Variants in SURF6 observed in about 807,000 individuals in gnomAD.
SURF6 encodes the protein surfeit locus protein 6.
In SURF6, 28 loss-of-function variants were observed where a neutral mutation model predicts 37.5. That is an observed-to-expected ratio of 0.75 (90% CI 0.55 to 1.02). The LOEUF is 1.02. Ranked by LOEUF, SURF6 falls within the 50% of genes least tolerant of loss-of-function variation. SURF6 has a pLI of 0.00. For missense variants in SURF6, 560 were observed against 490.5 expected (o/e 1.14, Z -1.34); for synonymous variants, 248 against 210.9 (o/e 1.18, Z -1.52).
intron 1 of SURF6, among the ~76,000 whole-genome samples, chr9:133,335,737 G>C (rs2129932484): frequency 4.6e-5 from 7 of 151,584 alleles, no homozygotes; most frequent in Admixed American, 3.3e-4. Flanking sequence ...TTAGCTGGGC[G>C]TGGTGGCGGG....
At position 133,330,076 on chromosome 9, in the gene SURF6, T is replaced by C. The variant is rs2129904938; in HGVS notation, c.*1793A>G. On this transcript the variant is annotated 3_prime_UTR_variant, in exon 5 of 5. Transcript: ENST00000372022. ...GTCAGTTTTGGAGATTTTTCTTCCA[T>C]TTACTTTGAGTTGTTCCAACTTAAG... 6 of 152,306 alleles carry C rather than the reference T, an allele frequency of 3.9e-5. No individual in the cohort carries two copies. The highest frequency in any genetic ancestry group is 3.9e-4 in the East Asian group (2 of 5,186). 9.4% of individuals were successfully genotyped at this position (152,306 alleles called of 1,614,324 possible). A position where few individuals can be genotyped will look rare whatever the true frequency, so the allele number is the denominator to read the frequency against.
At position 133,328,852 on chromosome 9, in the gene SURF6, T is replaced by C. The variant is rs1835650120; in HGVS notation, c.*3017A>G. 1 of 152,232 alleles carries C rather than the reference T, an allele frequency of 6.6e-6. No individual in the cohort carries two copies. The highest frequency in any genetic ancestry group is 2.4e-5 in the African/African-American group (1 of 41,440). 9.4% of individuals were successfully genotyped at this position (152,232 alleles called of 1,614,324 possible). A position where few individuals can be genotyped will look rare whatever the true frequency, so the allele number is the denominator to read the frequency against. ...GTAGGGACCAGCCCCACAGGGTCCG[T>C]GGGTCTCTCCCTCCCTGTGTGCAGC... is the stretch of plus-strand genomic sequence containing the variant. On this transcript the variant is annotated 3_prime_UTR_variant, in exon 5 of 5. Transcript: ENST00000372022.
rs2129905992 is a variant in SURF6 at position 133,330,313 on chromosome 9, T to G, written c.*1556A>C. Reference sequence around the variant, plus strand: ...GTGCAGCGGCTCGATCTTGGCTCACTGCAGCCTCTACCTCCTGGGTTCAAG... The same window carrying G: ...GTGCAGCGGCTCGATCTTGGCTCACGGCAGCCTCTACCTCCTGGGTTCAAG... On this transcript the variant is annotated 3_prime_UTR_variant, in exon 5 of 5. Transcript: ENST00000372022. The G allele has an allele frequency of 1.3e-5, 2 of 152,162 alleles. No homozygotes were observed. Among genetic ancestry groups the G allele is most frequent in the African/African-American group, 4.8e-5 (2 of 41,448 alleles). 9.4% of individuals were successfully genotyped at this position (152,162 alleles called of 1,614,324 possible).
chr9:133,332,044 T>C lies in SURF6; in HGVS notation c.911A>G (p.Gln304Arg). The part of the protein sequence containing the change: ...KRKEKRRAQR[Q>R]RRWEKRTAGV... Reference sequence around the variant, plus strand: ...GGCCGTGCGCTTCTCCCACCGGCGCTGCCGCTGCGCCCTGCGCTTCTCCTT... The same window carrying C: ...GGCCGTGCGCTTCTCCCACCGGCGCCGCCGCTGCGCCCTGCGCTTCTCCTT... Residue 304 changes from glutamine (Q) to arginine (R), a missense_variant, in exon 5 of 5, where the codon CAG (glutamine) becomes CGG (arginine). Physicochemically the swap from Gln to Arg is conservative, Grantham distance 43. Transcript: ENST00000372022. The C allele has an allele frequency of 6.2e-7, 1 of 1,603,764 alleles. No individual in the cohort carries two copies. The highest frequency in any genetic ancestry group is 8.5e-7 in the Non-Finnish European group (1 of 1,179,494).
Position 133,332,770 on chromosome 9 carries a change from A to T in SURF6, c.394-10T>A. 6.2e-7 allele frequency: 1 copy of T among 1,608,132 alleles called. No homozygotes were observed. Among genetic ancestry groups the T allele is most frequent in the Non-Finnish European group, 8.5e-7 (1 of 1,179,326 alleles). On this transcript the variant is annotated splice_polypyrimidine_tract_variant and intron_variant, in intron 3 of 4. Transcript: ENST00000372022. ...GCTCCTTGGCACTGCCCTGGGGGAAAGAGGCACCCACTCATTAAAGTTCTC... is the reference window on the plus strand; with the variant it reads ...GCTCCTTGGCACTGCCCTGGGGGAATGAGGCACCCACTCATTAAAGTTCTC...
chr9:133,334,400 T>A lies in SURF6; in HGVS notation c.296A>T (p.Asn99Ile). The A allele has an allele frequency of 6.2e-7, 1 of 1,612,748 alleles. No individual in the cohort carries two copies. The highest frequency in any genetic ancestry group is 8.5e-7 in the Non-Finnish European group (1 of 1,179,786). Reference protein sequence around the residue: ...EAAWASSSAGNPADGLATEPE... With the variant: ...EAAWASSSAGIPADGLATEPE... The stretch of plus-strand genomic sequence containing the variant: ...GCCCTGAAGCCTCTCACCTGCAGGG[T>A]TCCCTGCTGAGCTGGAAGCCCAAGC... The change falls in exon 2 of 5, where the codon AAC (asparagine) becomes ATC (isoleucine). Residue 99 changes from asparagine (N) to isoleucine (I), a missense_variant. Transcript: ENST00000372022.
chr9:133,331,807 G>A lies in SURF6; in HGVS notation c.*62C>T. On this transcript the variant is annotated 3_prime_UTR_variant, in exon 5 of 5. Coordinates refer to ENST00000372022, the MANE Select transcript of SURF6 (RefSeq NM_006753.6). ...GATCCTGGGACAGAGCCAGCGTCAA[G>A]GACTCAGAGGGTGTCCTGGAGTCTC... The A allele has an allele frequency of 6.8e-7, 1 of 1,478,184 alleles. No individual in the cohort carries two copies. Among genetic ancestry groups the A allele is most frequent in the Admixed American group, 2.4e-5 (1 of 41,796 alleles). 91.6% of individuals were successfully genotyped at this position (1,478,184 alleles called of 1,614,324 possible). A position where few individuals can be genotyped will look rare whatever the true frequency, so the allele number is the denominator to read the frequency against.
In SURF6 at chr9:133,331,968, C is replaced by T. The variant is rs1224476410; in HGVS notation, c.987G>A (p.Leu329=). The T allele has an allele frequency of 1.9e-6, 3 of 1,595,612 alleles. No homozygotes were observed. The highest frequency in any genetic ancestry group is 3.4e-5 in the Admixed American group (2 of 59,514). The change falls in exon 5 of 5, where the codon CTG becomes CTA. Residue 329 remains leucine (L), a synonymous_variant. Coordinates refer to ENST00000372022, the MANE Select transcript of SURF6 (RefSeq NM_006753.6). The part of the protein sequence containing the change: ...QQRQDRRRQN[L]RRKKAARAER... ...CGGCGCGGGCCGCCTTCTTCCTGCG[C>T]AGGTTCTGCCGCCGCCGGTCCTGGC...
chr9:133,333,920 A>G (rs2129925442), intron 2 of SURF6, 114 bp from the exon 3 acceptor site: 59 of 831,170 alleles, frequency 7.1e-5, no homozygotes, highest in Non-Finnish European at 1.1e-4. Context: ...GGGCAATTCC[A>G]GTAAATTCCA....
intron 2 of SURF6, among the ~76,000 whole-genome samples, chr9:133,334,115 T>G (rs1835814930): frequency 6.6e-6 from 1 of 152,144 alleles, no homozygotes; most frequent in South Asian, 2.1e-4. Flanking sequence ...TGCAGAGACC[T>G]GAGGGCAGGG....
At chr9:133,334,368 C>T (rs2129926819) in intron 2 of SURF6, 24 bp downstream of exon 2, 1 of 1,595,842 alleles carries the variant, frequency 6.3e-7, no homozygotes, top group Non-Finnish European at 8.5e-7. Flanking sequence ...CTGCACAGAA[C>T]CAACATGCCC....
intron 2 of SURF6, among the ~76,000 whole-genome samples, chr9:133,334,047 C>A (rs1835814107): frequency 6.6e-6 from 1 of 152,128 alleles, no homozygotes; most frequent in South Asian, 2.1e-4. Flanking sequence ...CAAGCCAAAC[C>A]ACCTCCTCCA....
In SURF6 at chr9:133,334,602, C is replaced by A; in HGVS notation, c.95-1G>T. 1 of 1,607,050 alleles carries A rather than the reference C, an allele frequency of 6.2e-7. No homozygotes were observed. Among genetic ancestry groups the A allele is most frequent in the Non-Finnish European group, 8.5e-7 (1 of 1,179,900 alleles). On this transcript the variant is annotated splice_acceptor_variant, in intron 1 of 4. Transcript: ENST00000372022. LOFTEE classifies it high-confidence loss of function. ...GTTTCTGAGCCTTGAGTTTTGCCAG[C>A]TGAAATGCAAAATAAGAAAGAGTTA...
At position 133,331,917 on chromosome 9, in the gene SURF6, C is replaced by T. The variant is rs2129912608; in HGVS notation, c.1038G>A (p.Lys346=). 6 of 1,561,662 alleles carry T rather than the reference C, an allele frequency of 3.8e-6. No individual in the cohort carries two copies. The highest frequency in any genetic ancestry group is 5.2e-6 in the Non-Finnish European group (6 of 1,164,988). Residue 346 remains lysine, a synonymous_variant, in exon 5 of 5, where the codon AAG becomes AAA. Coordinates refer to ENST00000372022, the MANE Select transcript of SURF6 (RefSeq NM_006753.6). ...RAERRLLRAR[K]KGRILPQDLE... Reference sequence around the variant, plus strand: ...GGTCCTGCGGCAGGATGCGGCCCTTCTTGCGGGCTCTGAGCAGGCGGCGCT... The same window carrying T: ...GGTCCTGCGGCAGGATGCGGCCCTTTTTGCGGGCTCTGAGCAGGCGGCGCT...
At position 133,334,541 on chromosome 9, in the gene SURF6, T is replaced by C. The variant is rs2129928167; in HGVS notation, c.155A>G (p.Gln52Arg). ...GPPKKKRKKT[Q>R]KKFRKREEKA... ...CTCTTCTCGCTTCCGGAATTTCTTTTGTGTTTTCTTCCTTTTCTTTTTTGG... is the reference window on the plus strand; with the variant it reads ...CTCTTCTCGCTTCCGGAATTTCTTTCGTGTTTTCTTCCTTTTCTTTTTTGG... The change falls in exon 2 of 5, where the codon CAA (glutamine) becomes CGA (arginine). Residue 52 changes from glutamine to arginine, a missense_variant. Gln to Arg is a conservative substitution (Grantham distance 43). Transcript: ENST00000372022. 2 of 1,613,702 alleles carry C rather than the reference T, an allele frequency of 1.2e-6. No individual in the cohort carries two copies. The highest frequency in any genetic ancestry group is 1.7e-5 in the Admixed American group (1 of 60,012).
intron 3 of SURF6, among the ~76,000 whole-genome samples, chr9:133,333,386 A>T (rs1265827803): frequency 6.6e-6 from 1 of 152,172 alleles, no homozygotes; most frequent in Non-Finnish European, 1.5e-5. Context: ...CATTCAGCAC[A>T]AAGAGCTGCA....
rs2129912452 is a variant in SURF6 at position 133,331,899 on chromosome 9, C to T, written c.1056G>A (p.Pro352=). 3 of 1,528,902 alleles carry T rather than the reference C, an allele frequency of 2.0e-6. No individual in the cohort carries two copies. The highest frequency in any genetic ancestry group is 1.4e-5 in the African/African-American group (1 of 72,400). The allele number at this position is 1,528,902 out of a possible 1,614,324, so 94.7% of individuals were successfully genotyped here. A position where few individuals can be genotyped will look rare whatever the true frequency, so the allele number is the denominator to read the frequency against. The stretch of plus-strand genomic sequence containing the variant: ...CCAGGCCTGCGCGCTCCAGGTCCTG[C>T]GGCAGGATGCGGCCCTTCTTGCGGG... The part of the protein sequence containing the change: ...LRARKKGRIL[P]QDLERAGLV The change falls in exon 5 of 5, where the codon CCG becomes CCA. Residue 352 remains proline, a synonymous_variant. Transcript: ENST00000372022.
Position 133,336,179 on chromosome 9 carries a change from T to C in SURF6, c.-47A>G, listed in dbSNP as rs2129935030. ...CGACTCACACCTTCCCCGCTGCGCG[T>C]GCGACTCTCACCACCTCCGCCGGAA... On this transcript the variant is annotated 5_prime_UTR_variant, in exon 1 of 5. Transcript: ENST00000372022. 5.3e-5 allele frequency: 81 copies of C among 1,536,806 alleles called. No homozygotes were observed. The highest frequency in any genetic ancestry group is 7.3e-5 in the African/African-American group (5 of 68,328).
intron 2 of SURF6, 88 bp from the exon 3 acceptor site, chr9:133,333,894 C>T (rs1255182710): frequency 5.1e-5 from 56 of 1,107,612 alleles, no homozygotes; most frequent in Non-Finnish European, 5.9e-5. Context: ...CCACTGTGGC[C>T]ACTCATGGAT....
Sources: gnomAD v4.1 joint callset for allele counts (sites outside exome capture counted in the v4.1 genomes callset) on GRCh38, gnomAD v4.1.1 for gene constraint, MANE v1.5 for transcripts, NCBI Gene and HGNC (gene_info 2026-07-23, HGNC 2026-07-21) for gene names.